The following USP50 variants were observed in gnomAD, a reference collection of about 807,000 sequenced individuals.
USP50 encodes the protein ubiquitin specific peptidase 50, also known as ubiquitin carboxyl-terminal hydrolase 50.
In USP50, 37 loss-of-function variants were observed where a neutral mutation model predicts 39.2. The ratio of observed to expected loss-of-function variants is 0.94; its 90% CI spans 0.73 to 1.24. The LOEUF is 1.24. USP50 is among the 50% of genes most tolerant of loss of function. The pLI is 0.00. For missense variants in USP50, 374 were observed against 398.2 expected (o/e 0.94, Z 0.52); for synonymous variants, 139 against 144.5 (o/e 0.96, Z 0.27).
intron 6 of USP50, among the ~76,000 whole-genome samples, chr15:50,521,781 A>T (rs907833620): frequency 6.6e-6 from 1 of 151,976 alleles, no homozygotes; most frequent in Non-Finnish European, 1.5e-5. Flanking sequence ...TGGCCAACAC[A>T]GTGAAACCCC....
At chr15:50,524,543 T>C (rs991004750) in intron 6 of USP50, among the ~76,000 whole-genome samples, 2 of 152,106 alleles carry the variant, frequency 1.3e-5, no homozygotes, top group Non-Finnish European at 2.9e-5. Flanking sequence ...ATTAAGGAAA[T>C]AGAAATTAAA....
In USP50 at chr15:50,541,102, C is replaced by T. The variant is rs746724896; in HGVS notation, c.607G>A (p.Val203Ile). ...KCEKCTYKNE[V>I]FTVFSLPIPS... is the part of the protein sequence containing the mutation. ...ATGGGGAGTGAGAAGACAGTGAAGA[C>T]TTCGTTCTTGTAGGTGCATTTCTCA... The change falls in exon 4 of 7, where the codon GTC (valine) becomes ATC (isoleucine). Residue 203 changes from valine to isoleucine, a missense_variant. Transcript: ENST00000532404. 4 of 1,613,920 alleles carry T rather than the reference C, an allele frequency of 2.5e-6. No homozygotes were observed. The highest frequency in any genetic ancestry group is 3.4e-6 in the Non-Finnish European group (4 of 1,179,872).
At chr15:50,500,974 A>G (rs1232152946) in intron 6 of USP50, 137 bp from the exon 7 acceptor site, 1 of 716,898 alleles carries the variant, frequency 1.4e-6, no homozygotes, top group Non-Finnish European at 2.4e-6. Context: ...TTGTTGTTAA[A>G]TCATGCATAT....
At chr15:50,499,068 G>GTAAC, downstream of USP50, 1 of 1,610,186 alleles carries the variant, frequency 6.2e-7, no homozygotes, top group Non-Finnish European at 8.5e-7. Flanking sequence ...GGGACCACGA[G>GTAAC]TAACTGATGT....
chr15:50,516,687 A>G (rs2052806400), intron 6 of USP50, among the ~76,000 whole-genome samples: 1 of 152,092 alleles, frequency 6.6e-6, no homozygotes, highest in Non-Finnish European at 1.5e-5. Context: ...ATAGACTGAA[A>G]GTGAAGAAAT....
chr15:50,521,624 C>A (rs1292467376), intron 6 of USP50, among the ~76,000 whole-genome samples: 2 of 151,956 alleles, frequency 1.3e-5, no homozygotes, highest in African/African-American at 4.8e-5. Context: ...AAGATAAACA[C>A]AATTGACAAA....
chr15:50,530,044 T>C, intron 5 of USP50, 115 bp from the exon 6 acceptor site: 1 of 1,437,340 alleles, frequency 7.0e-7, no homozygotes, highest in Non-Finnish European at 9.5e-7. Context: ...CAGTGGCTCA[T>C]GCCTGTAATC....
intron 1 of USP50, among the ~76,000 whole-genome samples, chr15:50,495,489 G>T (rs562538972): frequency 4.8e-5 from 7 of 147,252 alleles, no homozygotes; most frequent in African/African-American, 1.3e-4. Context: ...AGATTGGAGG[G>T]GGGGGTCTCA....
chr15:50,498,878 T>A, downstream of USP50: 1 of 1,567,884 alleles, frequency 6.4e-7, no homozygotes, highest in Non-Finnish European at 8.6e-7. Flanking sequence ...TGAATTGATT[T>A]TTTTTTCTAT....
chr15:50,517,723 GT>G (rs1356481791), intron 6 of USP50, among the ~76,000 whole-genome samples: 1 of 151,864 alleles, frequency 6.6e-6, no homozygotes, highest in Non-Finnish European at 1.5e-5. Flanking sequence ...AGTTTTTTTT[GT>G]TTGTTTTTTC....
chr15:50,531,767 A>G (rs907156244), intron 5 of USP50, among the ~76,000 whole-genome samples: 1 of 152,218 alleles, frequency 6.6e-6, no homozygotes, highest in African/African-American at 2.4e-5. Context: ...ACCAAAAGCA[A>G]TGATGAGAGA....
At chr15:50,522,121 T>G (rs1437084299) in intron 6 of USP50, among the ~76,000 whole-genome samples, 1 of 151,838 alleles carries the variant, frequency 6.6e-6, no homozygotes, top group Non-Finnish European at 1.5e-5. Context: ...GACTGAATTA[T>G]GGAGAAATAG....
intron 6 of USP50, among the ~76,000 whole-genome samples, chr15:50,521,238 C>T (rs2052848202): frequency 1.3e-5 from 2 of 152,102 alleles, no homozygotes; most frequent in Admixed American, 6.6e-5. Context: ...GATGGGGTTT[C>T]ACCACACTGG....
intron 5 of USP50, among the ~76,000 whole-genome samples, chr15:50,535,904 C>T (rs900265561): frequency 3.3e-5 from 5 of 152,138 alleles, no homozygotes; most frequent in African/African-American, 1.2e-4. Context: ...TCAACAGACA[C>T]AGAAAAAGTG....
chr15:50,525,656 G>GTATATGTATATATGTATATATGTATAT (rs1566907689), intron 6 of USP50, among the ~76,000 whole-genome samples: 3 of 75,502 alleles, frequency 4.0e-5, no homozygotes, highest in African/African-American at 1.5e-4. Context: ...ATATGTATAT[G>GTATATGTATATATGTATATATGTATAT]TATATATGTA....
chr15:50,502,018 C>T (rs1319050842), intron 6 of USP50: 2 of 152,176 alleles, frequency 1.3e-5, no homozygotes, highest in African/African-American at 2.4e-5. Context: ...TACCATATGG[C>T]TTATGAGGCC....
chr15:50,495,633 A>G (rs1247508167), downstream of USP50, among the ~76,000 whole-genome samples: 1 of 152,096 alleles, frequency 6.6e-6, no homozygotes, highest in African/African-American at 2.4e-5. Flanking sequence ...AATTTGGGAA[A>G]TTTCAACAAG....
intron 1 of USP50, chr15:50,494,238 G>A: frequency 6.2e-7 from 1 of 1,612,490 alleles, no homozygotes. Flanking sequence ...CACAAGAATT[G>A]CTTCTGTTCC....
chr15:50,534,538 T>C (rs1402371629), intron 5 of USP50, among the ~76,000 whole-genome samples: 3 of 152,100 alleles, frequency 2.0e-5, no homozygotes, highest in African/African-American at 4.8e-5. Flanking sequence ...ATGTCGATGG[T>C]CTATATACAT....
Sources: allele counts gnomAD v4.1 joint callset (sites outside exome capture counted in the v4.1 genomes callset), GRCh38; gene constraint gnomAD v4.1.1; transcripts MANE v1.5; gene names NCBI Gene and HGNC (gene_info 2026-07-23, HGNC 2026-07-21).